The following SLC25A21 variants were observed in gnomAD, a reference collection of about 807,000 sequenced individuals.
The protein encoded by SLC25A21 is solute carrier family 25 member 21, also known as mitochondrial 2-oxodicarboxylate carrier.
In SLC25A21, 47 loss-of-function variants were observed where a neutral mutation model predicts 43.8. The observed-to-expected ratio is 1.07, with a 90% CI of 0.85 to 1.37. The LOEUF is 1.37. SLC25A21 is among the 40% of genes most tolerant of loss of function. SLC25A21 has a pLI of 0.00. For missense variants in SLC25A21, 352 were observed against 350.2 expected, an observed-to-expected ratio of 1.00 and a Z score of -0.04; for synonymous variants, 131 against 121.3, an observed-to-expected ratio of 1.08 and a Z score of -0.52.
intron 1 of SLC25A21, among the ~76,000 whole-genome samples, chr14:37,109,535 A>G (rs1228839833): frequency 6.6e-6 from 1 of 152,226 alleles, no homozygotes; most frequent in East Asian, 1.9e-4. Flanking sequence ...GCCAAGTTAT[A>G]TAAATACAAA....
chr14:37,138,128 C>G (rs543827608), intron 1 of SLC25A21, among the ~76,000 whole-genome samples: 1 of 152,050 alleles, frequency 6.6e-6, no homozygotes, highest in Non-Finnish European at 1.5e-5. Context: ...GACAAGAGAG[C>G]CAGATGTAAT....
intron 1 of SLC25A21, among the ~76,000 whole-genome samples, chr14:36,950,362 G>T (rs563810287): frequency 1.3e-5 from 2 of 152,116 alleles, no homozygotes; most frequent in Non-Finnish European, 2.9e-5. Flanking sequence ...AAATGGGGTC[G>T]TAAGAAGGAC....
intron 1 of SLC25A21, among the ~76,000 whole-genome samples, chr14:36,976,309 C>G (rs1036144830): frequency 2.0e-5 from 3 of 152,082 alleles, no homozygotes; most frequent in Non-Finnish European, 4.4e-5. Flanking sequence ...AAGGCAAGAT[C>G]AGTACTGGGC....
intron 1 of SLC25A21, among the ~76,000 whole-genome samples, chr14:37,136,952 C>T (rs933846126): frequency 2.0e-5 from 3 of 152,140 alleles, no homozygotes; most frequent in African/African-American, 7.2e-5. Context: ...ATTTTTAGAG[C>T]AGTGAGAACT....
chr14:36,786,894 C>T (rs1248172156), intron 3 of SLC25A21, among the ~76,000 whole-genome samples: 1 of 152,140 alleles, frequency 6.6e-6, no homozygotes, highest in Non-Finnish European at 1.5e-5. Flanking sequence ...CGGTCTTTCA[C>T]AGCAATTAGA....
chr14:36,821,800 G>A (rs940096909), intron 2 of SLC25A21, among the ~76,000 whole-genome samples: 1 of 152,180 alleles, frequency 6.6e-6, no homozygotes, highest in African/African-American at 2.4e-5. Flanking sequence ...CTGGACGACA[G>A]TGCGAGATTC....
chr14:36,985,494 A>T (rs1259213622), intron 1 of SLC25A21, among the ~76,000 whole-genome samples: 1 of 152,114 alleles, frequency 6.6e-6, no homozygotes, highest in Non-Finnish European at 1.5e-5. Flanking sequence ...ATCTCAAATA[A>T]TTCATCAATC....
intron 1 of SLC25A21, among the ~76,000 whole-genome samples, chr14:37,074,020 CTAG>C (rs1962227991): frequency 9.6e-6 from 1 of 104,554 alleles, no homozygotes; most frequent in African/African-American, 1.2e-4. Context: ...TCAATTATAT[CTAG>C]AACTAGTCTT....
intron 1 of SLC25A21, among the ~76,000 whole-genome samples, chr14:36,886,916 G>A (rs1890932347): frequency 6.6e-6 from 1 of 152,138 alleles, no homozygotes; most frequent in Non-Finnish European, 1.5e-5. Context: ...TTTCAGATGT[G>A]TTGGTCTTTT....
intron 1 of SLC25A21, among the ~76,000 whole-genome samples, chr14:37,136,421 A>T (rs532808004): frequency 2.0e-5 from 3 of 151,980 alleles, no homozygotes; most frequent in South Asian, 2.1e-4. Flanking sequence ...TCCAGGAAAC[A>T]TTTTTTTTCC....
intron 1 of SLC25A21, among the ~76,000 whole-genome samples, chr14:37,042,900 T>C (rs1024663004): frequency 2.0e-5 from 3 of 152,210 alleles, no homozygotes; most frequent in Non-Finnish European, 1.5e-5. Context: ...TCCTGGCCCA[T>C]ATACTAAACT....
At chr14:37,027,340 T>C (rs1961114825) in intron 1 of SLC25A21, among the ~76,000 whole-genome samples, 1 of 152,194 alleles carries the variant, frequency 6.6e-6, no homozygotes, top group Non-Finnish European at 1.5e-5. Flanking sequence ...TCCAAGATGG[T>C]TTAGTGATGA....
At chr14:37,111,487 T>C (rs765155578) in intron 1 of SLC25A21, among the ~76,000 whole-genome samples, 14 of 152,246 alleles carry the variant, frequency 9.2e-5, no homozygotes, top group Admixed American at 4.6e-4. Context: ...TCAGTGGTTC[T>C]ACATTCTGGC....
chr14:36,741,702 G>A (rs1246213469), intron 3 of SLC25A21, among the ~76,000 whole-genome samples: 1 of 152,152 alleles, frequency 6.6e-6, no homozygotes, highest in Admixed American at 6.5e-5. Flanking sequence ...CTCACACACA[G>A]CATGAGAAGG....
At chr14:36,820,532 A>G (rs1888588876) in intron 2 of SLC25A21, among the ~76,000 whole-genome samples, 1 of 152,162 alleles carries the variant, frequency 6.6e-6, no homozygotes, top group South Asian at 2.1e-4. Context: ...ACTGGGAGCC[A>G]CCGGTTATAA....
chr14:36,810,456 CTA>C (rs1888200370), intron 3 of SLC25A21, among the ~76,000 whole-genome samples: 1 of 152,066 alleles, frequency 6.6e-6, no homozygotes, highest in Non-Finnish European at 1.5e-5. Flanking sequence ...ATGTAATAAA[CTA>C]TGATTTTCTT....
At chr14:37,159,501 G>C (rs1028305686) in intron 1 of SLC25A21, among the ~76,000 whole-genome samples, 4 of 152,150 alleles carry the variant, frequency 2.6e-5, no homozygotes, top group African/African-American at 9.6e-5. Context: ...TCAAAAAATG[G>C]TACTAGGAAA....
intron 1 of SLC25A21, among the ~76,000 whole-genome samples, chr14:37,164,710 G>A (rs1458057237): frequency 6.6e-6 from 1 of 152,164 alleles, no homozygotes; most frequent in Non-Finnish European, 1.5e-5. Flanking sequence ...TTGTGAAAAT[G>A]AAGATATGTA....
chr14:36,898,184 A>C (rs1891297541), intron 1 of SLC25A21, among the ~76,000 whole-genome samples: 1 of 152,230 alleles, frequency 6.6e-6, no homozygotes, highest in South Asian at 2.1e-4. Context: ...GGCTACACCC[A>C]GTTCGAGCTT....
Sources: allele counts gnomAD v4.1 joint callset (sites outside exome capture counted in the v4.1 genomes callset), GRCh38; gene constraint gnomAD v4.1.1; transcripts MANE v1.5; gene names NCBI Gene and HGNC (gene_info 2026-07-23, HGNC 2026-07-21).